The following HS6ST2 variants were observed in gnomAD, a reference collection of about 807,000 sequenced individuals.
HS6ST2 encodes the protein heparan-sulfate 6-O-sulfotransferase 2.
A neutral mutation model predicts 33.0 loss-of-function variants in HS6ST2; 17 were observed. That is an observed-to-expected ratio of 0.52 (90% CI 0.35 to 0.77). The LOEUF is 0.77. Among genes scored for constraint, HS6ST2 ranks in the 30% least tolerant of loss-of-function variants. The probability of loss-of-function intolerance (pLI) is 0.01; values close to 1 mark genes in which losing one functional copy is unlikely to be tolerated. For missense variants in HS6ST2, 519 were observed against 551.7 expected, an observed-to-expected ratio of 0.94 and a Z score of 0.59; for synonymous variants, 248 against 237.1, an observed-to-expected ratio of 1.05 and a Z score of -0.42.
chrX:132,722,234 A>G (rs189326303), intron 2 of HS6ST2, among the ~76,000 whole-genome samples: 22 of 110,157 alleles, frequency 2.0e-4, no homozygotes, highest in Non-Finnish European at 3.4e-4. Context: ...AGAGCAAACC[A>G]AACCCAAAAC....
chrX:132,782,941 G>C (rs1453745623), intron 2 of HS6ST2, among the ~76,000 whole-genome samples: 2 of 111,653 alleles, frequency 1.8e-5, no homozygotes, highest in African/African-American at 6.5e-5. Flanking sequence ...AATGAAAGGT[G>C]AAACTATGGA....
chrX:132,669,664 C>T, intron 3 of HS6ST2: 1 of 112,594 alleles, frequency 8.9e-6, no homozygotes, highest in Non-Finnish European at 1.9e-5. Context: ...GAGATACTAT[C>T]AGATGAATTA....
chrX:132,755,756 A>G (rs955412636), intron 2 of HS6ST2, among the ~76,000 whole-genome samples: 1 of 112,019 alleles, frequency 8.9e-6, no homozygotes, highest in Non-Finnish European at 1.9e-5. Context: ...CTTGAGCTCA[A>G]GAGTTCCATG....
At chrX:132,656,607 A>T (rs1286453701) in intron 4 of HS6ST2, among the ~76,000 whole-genome samples, 1 of 110,493 alleles carries the variant, frequency 9.1e-6, no homozygotes, top group Non-Finnish European at 1.9e-5. Flanking sequence ...TGGCCTCTTG[A>T]GTCTCAAGGT....
At chrX:132,760,055 T>C (rs575133153) in intron 2 of HS6ST2, among the ~76,000 whole-genome samples, 1 of 111,592 alleles carries the variant, frequency 9.0e-6, no homozygotes, top group East Asian at 2.8e-4. Context: ...ATGGCATGTG[T>C]AGGTGATCAA....
At chrX:132,883,680 T>C (rs2066211116) in intron 2 of HS6ST2, among the ~76,000 whole-genome samples, 1 of 111,080 alleles carries the variant, frequency 9.0e-6, no homozygotes, top group Admixed American at 9.7e-5. Flanking sequence ...GATAAGGACA[T>C]AGGCATACTT....
intron 2 of HS6ST2, among the ~76,000 whole-genome samples, chrX:132,906,030 A>G (rs1411574077): frequency 9.0e-6 from 1 of 111,698 alleles, no homozygotes; most frequent in Non-Finnish European, 1.9e-5. Flanking sequence ...TGTTTCAAAA[A>G]AAAAGGAATC....
chrX:132,827,526 G>A (rs2065535021), intron 2 of HS6ST2, among the ~76,000 whole-genome samples: 1 of 110,820 alleles, frequency 9.0e-6, no homozygotes, highest in African/African-American at 3.3e-5. Flanking sequence ...AGAAAAGAGG[G>A]AAGGAAAGAG....
At chrX:132,780,664 G>T (rs1452042791) in intron 2 of HS6ST2, among the ~76,000 whole-genome samples, 1 of 111,431 alleles carries the variant, frequency 9.0e-6, no homozygotes, top group African/African-American at 3.3e-5. Flanking sequence ...ATGAAAATAA[G>T]AGTTTCCACC....
intron 2 of HS6ST2, among the ~76,000 whole-genome samples, chrX:132,829,575 G>A (rs1022698095): frequency 3.6e-5 from 4 of 110,930 alleles, no homozygotes; most frequent in African/African-American, 1.3e-4. Context: ...CAGGTCCAGA[G>A]GAAGACTCAA....
chrX:132,897,780 T>C (rs1360545146), intron 2 of HS6ST2, among the ~76,000 whole-genome samples: 1 of 111,593 alleles, frequency 9.0e-6, no homozygotes, highest in Non-Finnish European at 1.9e-5. Flanking sequence ...TAGTAACATA[T>C]GTGTTTCAAT....
intron 2 of HS6ST2, among the ~76,000 whole-genome samples, chrX:132,812,432 TAATAATAATAATAA>T (rs1256196908): frequency 6.8e-5 from 7 of 103,453 alleles, no homozygotes; most frequent in African/African-American, 2.1e-4. Flanking sequence ...ATAATAATAA[TAATAATAATAATAA>T]AATAATAATA....
intron 2 of HS6ST2, among the ~76,000 whole-genome samples, chrX:132,832,980 T>C (rs2065604917): frequency 8.9e-6 from 1 of 111,796 alleles, no homozygotes; most frequent in South Asian, 3.8e-4. Context: ...ACCCTCATTA[T>C]TCCCAGACCC....
intron 2 of HS6ST2, among the ~76,000 whole-genome samples, chrX:132,843,160 C>T (rs1448988917): frequency 1.8e-5 from 2 of 111,904 alleles, no homozygotes; most frequent in Non-Finnish European, 3.8e-5. Context: ...AGTATTATAT[C>T]CGTTAAAAGT....
At chrX:132,691,891 C>A (rs1569481394) in intron 3 of HS6ST2, among the ~76,000 whole-genome samples, 2 of 111,804 alleles carry the variant, frequency 1.8e-5, no homozygotes, top group East Asian at 2.8e-4. Flanking sequence ...CATGAGTGAT[C>A]CATATGTGAG....
intron 2 of HS6ST2, among the ~76,000 whole-genome samples, chrX:132,913,082 C>T (rs973019472): frequency 2.7e-5 from 3 of 111,216 alleles, no homozygotes; most frequent in Non-Finnish European, 3.8e-5. Flanking sequence ...GACCACCACT[C>T]GAGGGCTGGC....
At chrX:132,795,779 G>A (rs1482548795) in intron 2 of HS6ST2, among the ~76,000 whole-genome samples, 1 of 110,690 alleles carries the variant, frequency 9.0e-6, no homozygotes, top group Non-Finnish European at 1.9e-5. Flanking sequence ...GCTAACTTTT[G>A]TAATTTTTTG....
intron 2 of HS6ST2, among the ~76,000 whole-genome samples, chrX:132,782,589 G>T (rs1279418555): frequency 9.0e-6 from 1 of 111,658 alleles, no homozygotes; most frequent in Admixed American, 9.6e-5. Context: ...GTGGTTAGGA[G>T]AAATGCTGGA....
At chrX:132,867,321 G>A (rs905250400) in intron 2 of HS6ST2, among the ~76,000 whole-genome samples, 21 of 107,475 alleles carry the variant, frequency 2.0e-4, no homozygotes, top group Non-Finnish European at 3.3e-4. Context: ...TGCATACCAG[G>A]GATGAAGCCC....
Sources: gnomAD v4.1 joint callset for allele counts (sites outside exome capture counted in the v4.1 genomes callset) on GRCh38, gnomAD v4.1.1 for gene constraint, MANE v1.5 for transcripts, NCBI Gene and HGNC (gene_info 2026-07-23, HGNC 2026-07-21) for gene names.